Variants in SLC19A2 observed in about 807,000 individuals in gnomAD.
The protein encoded by SLC19A2 is solute carrier family 19 member 2.
Under a neutral mutation model 44.7 loss-of-function variants are expected in SLC19A2, and 27 were observed. The ratio of observed to expected loss-of-function variants is 0.60; its 90% CI spans 0.45 to 0.83. SLC19A2 has a LOEUF of 0.83. Ranked by LOEUF, SLC19A2 falls within the 40% of genes least tolerant of loss-of-function variation. SLC19A2 has a pLI of 0.00. For missense variants in SLC19A2, 566 were observed against 613.7 expected, an observed-to-expected ratio of 0.92 and a Z score of 0.82; for synonymous variants, 239 against 243.6, an observed-to-expected ratio of 0.98 and a Z score of 0.18.
intron 2 of SLC19A2, among the ~76,000 whole-genome samples, chr1:169,476,932 T>C (rs1269016560): frequency 2.0e-5 from 3 of 152,142 alleles, no homozygotes; most frequent in Non-Finnish European, 4.4e-5. Flanking sequence ...CAGTCTGACT[T>C]TGGAGGTCAC....
At chr1:169,483,733 A>C (rs1658492707) in intron 1 of SLC19A2, among the ~76,000 whole-genome samples, 1 of 152,200 alleles carries the variant, frequency 6.6e-6, no homozygotes, top group South Asian at 2.1e-4. Flanking sequence ...ATCAGCTTTC[A>C]AATATCAACA....
intron 2 of SLC19A2, among the ~76,000 whole-genome samples, chr1:169,473,327 C>T (rs561826058): frequency 6.6e-6 from 1 of 151,906 alleles, no homozygotes; most frequent in African/African-American, 2.4e-5. Flanking sequence ...CTCTGCCTCC[C>T]GGGTTAAAGC....
chr1:169,485,515 G>T lies in SLC19A2; in HGVS notation c.204+48C>A, dbSNP rs558597732. ...TCCTCTCTTCCTCCGCTGCCCACCC[G>T]CAGGCCGGTCGCCCGCCCTTCCCGC... On this transcript the variant is annotated intron_variant, in intron 1 of 5. Coordinates refer to ENST00000236137, the MANE Select transcript of SLC19A2 (RefSeq NM_006996.3). 3.1e-5 allele frequency: 48 copies of T among 1,543,092 alleles called. No homozygotes were observed. In the African/African-American group the frequency reaches 6.3e-4, roughly 20 times the overall value.
intron 2 of SLC19A2, among the ~76,000 whole-genome samples, chr1:169,475,051 T>C (rs917673957): frequency 1.3e-5 from 2 of 152,160 alleles, no homozygotes; most frequent in African/African-American, 2.4e-5. Context: ...CTAATCCTTA[T>C]CTCTAAAAGG....
chr1:169,474,397 T>C (rs912771748), intron 2 of SLC19A2, among the ~76,000 whole-genome samples: 2 of 152,182 alleles, frequency 1.3e-5, no homozygotes, highest in Non-Finnish European at 2.9e-5. Flanking sequence ...TCATTTCTAA[T>C]AGATGAAGAA....
Position 169,469,989 on chromosome 1 carries a change from GCCA to G in SLC19A2, c.1002_1004del (p.Gly335del). 6.2e-7 allele frequency: 1 copy of G among 1,613,670 alleles called. No individual in the cohort carries two copies. The highest frequency in any genetic ancestry group is 1.1e-5 in the South Asian group (1 of 91,060). On this transcript the variant is annotated inframe_deletion, in exon 3 of 6. Coordinates refer to ENST00000236137, the MANE Select transcript of SLC19A2 (RefSeq NM_006996.3). ...CCAGTAAGGTTGAAACGGCCTCCAC[GCCA>G]CCATTATAGATAGCAGCATAGCGAG...
intron 2 of SLC19A2, among the ~76,000 whole-genome samples, chr1:169,474,344 A>C (rs1043702180): frequency 1.1e-4 from 17 of 152,226 alleles, no homozygotes; most frequent in Non-Finnish European, 2.2e-4. Flanking sequence ...CTAGGTATTA[A>C]TTACATGTCA....
chr1:169,482,188 C>T (rs770909443), intron 1 of SLC19A2, among the ~76,000 whole-genome samples: 15 of 141,816 alleles, frequency 1.1e-4, no homozygotes, highest in Admixed American at 5.7e-4. Context: ...GCAACAAGAG[C>T]GAAACTCCAT....
intron 2 of SLC19A2, 64 bp downstream of exon 2, chr1:169,477,091 G>C: frequency 6.3e-7 from 1 of 1,597,470 alleles, no homozygotes; most frequent in Non-Finnish European, 8.6e-7. Context: ...GGAGTTTGCT[G>C]TTTTTTTCAC....
rs368349356 is a variant in SLC19A2 at position 169,477,563 on chromosome 1, G to A, written c.399C>T (p.Ile133=). ...AIQFLEFFYG[I]ATATEIAYYS... is the part of the protein sequence containing the mutation. ...AATAGGCAATTTCAGTGGCTGTGGC[G>A]ATGCCATAAAAAAATTCTAGAAATT... Residue 133 remains isoleucine (I), a synonymous_variant, in exon 2 of 6, where the codon ATC becomes ATT. Coordinates refer to ENST00000236137, the MANE Select transcript of SLC19A2 (RefSeq NM_006996.3). 31 of 1,613,898 alleles carry A rather than the reference G, an allele frequency of 1.9e-5. No individual in the cohort carries two copies. Among genetic ancestry groups the A allele is most frequent in the South Asian group, 1.5e-4 (14 of 91,084 alleles).
At chr1:169,468,620 G>T in intron 4 of SLC19A2, 24 bp downstream of exon 4, 1 of 1,602,614 alleles carries the variant, frequency 6.2e-7, no homozygotes, top group Non-Finnish European at 8.5e-7. Context: ...TTTTCCTAAG[G>T]CTTCTATGAG....
At chr1:169,475,131 T>G (rs548058932) in intron 2 of SLC19A2, among the ~76,000 whole-genome samples, 1 of 152,312 alleles carries the variant, frequency 6.6e-6, no homozygotes, top group East Asian at 1.9e-4. Flanking sequence ...TTAGAGTCAT[T>G]TCTAACTCTA....
rs1269772966 is a variant in SLC19A2 at position 169,465,876 on chromosome 1, T to C, written c.1467A>G (p.Gln489=). 16 of 1,613,926 alleles carry C rather than the reference T, an allele frequency of 9.9e-6. 1 individual carries two copies. The highest frequency in any genetic ancestry group is 7.7e-5 in the South Asian group (7 of 91,094). The part of the protein sequence containing the change: ...MKKCRKLEDP[Q]SSSQVTTS ...ATGAAGTGGTTACTTGAGAACTTGA[T>C]TGTGGATCTTCCAGCTTTCTACATT... is the stretch of plus-strand genomic sequence containing the variant. Residue 489 remains glutamine (Q), a synonymous_variant, in exon 6 of 6, where the codon CAA becomes CAG. Transcript: ENST00000236137.
intron 2 of SLC19A2, among the ~76,000 whole-genome samples, chr1:169,475,948 C>T (rs565576854): frequency 5.3e-4 from 80 of 152,282 alleles, no homozygotes; most frequent in African/African-American, 1.9e-3. Context: ...AGACTTTACT[C>T]ATAATGGTTC....
chr1:169,481,176 A>C (rs1379044069), intron 1 of SLC19A2, among the ~76,000 whole-genome samples: 7 of 152,218 alleles, frequency 4.6e-5, no homozygotes, highest in African/African-American at 1.4e-4. Context: ...CACCACGCTA[A>C]GCACTTTCTC....
chr1:169,469,782 A>G (rs905919772), intron 3 of SLC19A2, among the ~76,000 whole-genome samples, 182 bp downstream of exon 3: 1 of 152,232 alleles, frequency 6.6e-6, no homozygotes, highest in Non-Finnish European at 1.5e-5. Flanking sequence ...TTTGTTAGTC[A>G]TAGTCCTGCT....
chr1:169,480,138 C>T (rs1042584100), intron 1 of SLC19A2, among the ~76,000 whole-genome samples: 3 of 152,078 alleles, frequency 2.0e-5, no homozygotes, highest in South Asian at 2.1e-4. Flanking sequence ...AGAAATGATT[C>T]GTATTCAAAA....
intron 2 of SLC19A2, 113 bp downstream of exon 2, chr1:169,477,042 T>A (rs1658336272): frequency 8.2e-7 from 1 of 1,217,908 alleles, no homozygotes; most frequent in South Asian, 1.2e-5. Context: ...CAACTCAGGA[T>A]AAAACATGAA....
intron 1 of SLC19A2, among the ~76,000 whole-genome samples, chr1:169,480,373 C>T (rs1045957435): frequency 6.6e-6 from 1 of 151,826 alleles, no homozygotes; most frequent in Non-Finnish European, 1.5e-5. Context: ...AGTGCAATGG[C>T]GTGATCTCGG....
Sources: allele counts gnomAD v4.1 joint callset (sites outside exome capture counted in the v4.1 genomes callset), GRCh38; gene constraint gnomAD v4.1.1; transcripts MANE v1.5; gene names NCBI Gene and HGNC (gene_info 2026-07-23, HGNC 2026-07-21).